Variants in PTPRO observed in about 807,000 individuals in gnomAD.
The protein encoded by PTPRO is protein tyrosine phosphatase receptor type O.
PTPRO carries 62 observed loss-of-function variants against 145.2 expected under a neutral mutation model. The observed-to-expected ratio is 0.43, with a 90% CI of 0.35 to 0.53. PTPRO has a LOEUF of 0.53. PTPRO is among the 20% of genes least tolerant of loss of function. The pLI is 0.01. For missense variants in PTPRO, 1,345 were observed against 1,482.7 expected (o/e 0.91, Z 1.53); for synonymous variants, 565 against 514.7 (o/e 1.10, Z -1.32).
intron 1 of PTPRO, among the ~76,000 whole-genome samples, chr12:15,386,826 G>C (rs1050245825): frequency 3.3e-5 from 5 of 152,126 alleles, no homozygotes; most frequent in African/African-American, 1.2e-4. Context: ...AATTGGCTTT[G>C]TCAGGCACTC....
intron 12 of PTPRO, among the ~76,000 whole-genome samples, chr12:15,535,256 T>C (rs12368994): frequency 0.26 from 39,201 of 152,016 alleles, 5,164 homozygotes; most frequent in Middle Eastern, 0.35. Flanking sequence ...GCTGGAAATA[T>C]AAATTTGGAA....
intron 1 of PTPRO, among the ~76,000 whole-genome samples, chr12:15,477,575 A>T (rs1591636463): frequency 6.6e-6 from 1 of 152,144 alleles, no homozygotes; most frequent in Non-Finnish European, 1.5e-5. Flanking sequence ...TGCCCCTAGT[A>T]AAGACAGGAT....
chr12:15,466,308 G>T (rs975746799), intron 1 of PTPRO, among the ~76,000 whole-genome samples: 1 of 152,102 alleles, frequency 6.6e-6, no homozygotes, highest in African/African-American at 2.4e-5. Context: ...AATAGCGCAA[G>T]AAGTAATCAT....
chr12:15,579,804 C>T (rs1044074848), intron 20 of PTPRO, among the ~76,000 whole-genome samples: 7 of 151,720 alleles, frequency 4.6e-5, no homozygotes, highest in Non-Finnish European at 4.4e-5. Context: ...ATCCTGGAAA[C>T]AATTCTTTCA....
chr12:15,508,365 C>T (rs935743797), intron 6 of PTPRO, among the ~76,000 whole-genome samples: 5 of 152,100 alleles, frequency 3.3e-5, no homozygotes, highest in South Asian at 2.1e-4. Flanking sequence ...CTGTTATTGC[C>T]GAGGCTGCTG....
intron 17 of PTPRO, among the ~76,000 whole-genome samples, chr12:15,562,846 T>C (rs1943808919): frequency 6.6e-6 from 1 of 152,008 alleles, no homozygotes; most frequent in South Asian, 2.1e-4. Context: ...GAAGTGGCAT[T>C]TAGTTGAAAA....
chr12:15,552,921 T>A (rs1943508852), intron 15 of PTPRO, among the ~76,000 whole-genome samples: 1 of 150,454 alleles, frequency 6.6e-6, no homozygotes, highest in African/African-American at 2.4e-5. Flanking sequence ...TGCCTCAGTC[T>A]CCTGAATAGC....
At chr12:15,453,232 C>T (rs1048151027) in intron 1 of PTPRO, among the ~76,000 whole-genome samples, 2 of 152,004 alleles carry the variant, frequency 1.3e-5, no homozygotes, top group African/African-American at 2.4e-5. Context: ...CTCAGGTGAT[C>T]CACTATCCTC....
At chr12:15,391,924 C>G (rs948195183) in intron 1 of PTPRO, among the ~76,000 whole-genome samples, 4 of 152,110 alleles carry the variant, frequency 2.6e-5, no homozygotes, top group African/African-American at 9.7e-5. Flanking sequence ...CAGACAGCAC[C>G]ATATAACAGC....
At chr12:15,369,599 T>C (rs1226382504) in intron 1 of PTPRO, among the ~76,000 whole-genome samples, 1 of 152,248 alleles carries the variant, frequency 6.6e-6, no homozygotes, top group Non-Finnish European at 1.5e-5. Flanking sequence ...AGTTTGTCAT[T>C]GCATTAACTC....
intron 1 of PTPRO, among the ~76,000 whole-genome samples, chr12:15,471,467 T>C (rs1941540271): frequency 6.6e-6 from 1 of 152,188 alleles, no homozygotes; most frequent in South Asian, 2.1e-4. Context: ...TTAGGATACA[T>C]ATTAAAAAGT....
At position 15,560,265 on chromosome 12, in the gene PTPRO, T is replaced by C; in HGVS notation, c.2700T>C (p.Tyr900=). The C allele has an allele frequency of 1.3e-6, 2 of 1,577,282 alleles. No individual in the cohort carries two copies. The highest frequency in any genetic ancestry group is 2.2e-5 in the South Asian group (2 of 90,370). ...GGACTGATTATCTTTTGGCATTTTA[T>C]ATTAATCCTTGGTAAGTGATTTTTT... The part of the protein sequence containing the change: ...CLWTDYLLAF[Y]INPWSKNGLK... The change falls in exon 17 of 27, where the codon TAT becomes TAC. Residue 900 remains tyrosine (Y), a synonymous_variant. Coordinates refer to ENST00000281171, the MANE Select transcript of PTPRO (RefSeq NM_030667.3).
intron 15 of PTPRO, among the ~76,000 whole-genome samples, chr12:15,553,410 G>A (rs1285473136): frequency 6.6e-6 from 1 of 152,168 alleles, no homozygotes; most frequent in African/African-American, 2.4e-5. Context: ...TAATGGCATT[G>A]GAGCAGAGAC....
At chr12:15,551,387 G>A (rs1943454290) in intron 14 of PTPRO, among the ~76,000 whole-genome samples, 164 bp from the exon 15 acceptor site, 1 of 152,154 alleles carries the variant, frequency 6.6e-6, no homozygotes, top group Non-Finnish European at 1.5e-5. Flanking sequence ...CTAAGTTACA[G>A]TTGACCAGGA....
chr12:15,365,634 C>T (rs1041957024), intron 1 of PTPRO, among the ~76,000 whole-genome samples: 5 of 152,014 alleles, frequency 3.3e-5, no homozygotes, highest in African/African-American at 1.2e-4. Flanking sequence ...ATAGATAATC[C>T]TCTCTGGATA....
chr12:15,560,158 T>C, intron 16 of PTPRO, 35 bp from the exon 17 acceptor site: 2 of 1,483,388 alleles, frequency 1.3e-6, no homozygotes, highest in Non-Finnish European at 9.4e-7. Context: ...TGCAACTTTT[T>C]CATCTTTCCA....
intron 15 of PTPRO, among the ~76,000 whole-genome samples, chr12:15,553,047 A>G (rs1161337814): frequency 6.6e-6 from 1 of 151,902 alleles, no homozygotes; most frequent in African/African-American, 2.4e-5. Flanking sequence ...TAATCTGCCC[A>G]CCTCAGCCTC....
In PTPRO at chr12:15,487,873, G is replaced by T. The variant is rs542223471; in HGVS notation, c.349+3626G>T. ...CTATGTAGCTAATAGCTACCATATTGGACAGAGCAATTCTTTGCATCCATT... is the reference window on the plus strand; with the variant it reads ...CTATGTAGCTAATAGCTACCATATTTGACAGAGCAATTCTTTGCATCCATT... On this transcript the variant is annotated intron_variant, in intron 2 of 26. Transcript: ENST00000281171. Among the ~76,000 whole-genome samples, 3 of 152,176 alleles carry T rather than the reference G, an allele frequency of 2.0e-5. No individual in the cohort carries two copies. In the South Asian group the frequency reaches 6.2e-4, roughly 32 times the overall value.
intron 5 of PTPRO, among the ~76,000 whole-genome samples, chr12:15,502,633 A>G (rs994079525): frequency 1.3e-5 from 2 of 152,222 alleles, no homozygotes; most frequent in Admixed American, 6.5e-5. Context: ...TGACATTTCC[A>G]TATAGCTACT....
Sources: gnomAD v4.1 joint callset for allele counts (sites outside exome capture counted in the v4.1 genomes callset) on GRCh38, gnomAD v4.1.1 for gene constraint, MANE v1.5 for transcripts, NCBI Gene and HGNC (gene_info 2026-07-23, HGNC 2026-07-21) for gene names.